MED24: variants seen among roughly 807,000 people sequenced by gnomAD.
MED24 encodes the protein mediator of RNA polymerase II transcription subunit 24.
MED24 carries 74 observed loss-of-function variants against 118.8 expected under a neutral mutation model. The ratio of observed to expected loss-of-function variants is 0.62; its 90% CI spans 0.52 to 0.76. The LOEUF (loss-of-function observed/expected upper bound fraction) is 0.76. MED24 is among the 30% of genes least tolerant of loss of function. MED24 has a pLI of 0.00. For synonymous variants in MED24, 521 were observed against 523.9 expected (o/e 0.99, Z 0.08); for missense variants, 1,041 against 1,278.9 (o/e 0.81, Z 2.84).
At chr17:40,022,272 C>T in intron 22 of MED24, 122 bp downstream of exon 22, 2 of 1,110,224 alleles carry the variant, frequency 1.8e-6, no homozygotes, top group African/African-American at 1.6e-5. Flanking sequence ...CCAATCATGC[C>T]CAGGCACAGC....
At position 40,019,797 on chromosome 17, in the gene MED24, CATGAACTG is replaced by C; in HGVS notation, c.2833_2840del (p.Gln945AlafsTer37). ...AGGTGGTACTCACGGTGGTGAAGGG[CATGAACTG>C]CAGGACGCTGCCACGGCCACCCTGC... On this transcript the variant is annotated frameshift_variant, in exon 25 of 26. Coordinates refer to ENST00000394128, the MANE Select transcript of MED24 (RefSeq NM_014815.4). LOFTEE classifies it high-confidence loss of function. 2 of 1,611,184 alleles carry C rather than the reference CATGAACTG, an allele frequency of 1.2e-6. No individual in the cohort carries two copies. The highest frequency in any genetic ancestry group is 1.7e-6 in the Non-Finnish European group (2 of 1,178,626).
Position 40,032,073 on chromosome 17 carries a change from C to T in MED24, c.954G>A (p.Val318=), listed in dbSNP as rs923279604. 2.5e-6 allele frequency: 4 copies of T among 1,613,828 alleles called. No homozygotes were observed. In the African/African-American group the frequency reaches 5.3e-5, roughly 22 times the overall value. ...CTCCATGAGAGTACTTCTTCAACTT[C>T]ACCAAAACCTGTGGAATCTAGGGGG... ...FTFLKIPQVL[V]KLKKYSHGDK... The change falls in exon 10 of 26, where the codon GTG becomes GTA. Residue 318 remains valine, a synonymous_variant. Transcript: ENST00000394128.
Position 40,032,026 on chromosome 17 carries a change from C to G in MED24, c.984+17G>C. The G allele has an allele frequency of 1.9e-6, 3 of 1,613,194 alleles. No individual in the cohort carries two copies. Among genetic ancestry groups the G allele is most frequent in the Non-Finnish European group, 2.5e-6 (3 of 1,179,424 alleles). On this transcript the variant is annotated intron_variant, in intron 10 of 25. Coordinates refer to ENST00000394128, the MANE Select transcript of MED24 (RefSeq NM_014815.4). Reference sequence around the variant, plus strand: ...CTTATTTCTGCTCCCATGCCTCCATCTCAATCCCCAACTCACCTTGTCTCC... The same window carrying G: ...CTTATTTCTGCTCCCATGCCTCCATGTCAATCCCCAACTCACCTTGTCTCC...
chr17:40,022,162 G>C, intron 22 of MED24, 108 bp from the exon 23 acceptor site: 1 of 972,280 alleles, frequency 1.0e-6, no homozygotes, highest in Non-Finnish European at 1.5e-6. Context: ...TGGCTAGCAG[G>C]GCCTCAGCCC....
At chr17:40,026,487 G>T in intron 18 of MED24, 156 bp from the exon 19 acceptor site, 1 of 1,156,532 alleles carries the variant, frequency 8.6e-7, no homozygotes, top group Non-Finnish European at 1.2e-6. Context: ...AGAGCTACCT[G>T]GGCCAGAGGG....
rs1397759397 is a variant in MED24, at chr17:40,033,009, C to T, written c.822+47G>A. The T allele has an allele frequency of 6.2e-7, 1 of 1,608,298 alleles. No individual in the cohort carries two copies. Among genetic ancestry groups the T allele is most frequent in the Non-Finnish European group, 8.5e-7 (1 of 1,177,526 alleles). ...GAAGAATCCTCCCTCCTGCCCCCAA[C>T]AGGCTGGCCTGCCTTGGAGAAGGGA... On this transcript the variant is annotated intron_variant, in intron 8 of 25. Transcript: ENST00000394128. This position sits in a 1 kb window ranked among gnomAD's most constrained non-coding sequence, Gnocchi z 5.2.
intron 1 of MED24, chr17:40,053,836 C>T: frequency 1.4e-6 from 1 of 692,460 alleles, no homozygotes; most frequent in East Asian, 2.7e-5. Context: ...AACTGGGGCA[C>T]TAAGAAAGTA....
intron 23 of MED24, chr17:40,020,678 C>G (rs146930844): frequency 1.6e-5 from 6 of 378,462 alleles, no homozygotes; most frequent in Admixed American, 1.1e-4. Flanking sequence ...CCCAGCTCCT[C>G]GGGAGGCTGA....
At chr17:40,045,816 C>T (rs1331291994) in intron 3 of MED24, among the ~76,000 whole-genome samples, 1 of 152,158 alleles carries the variant, frequency 6.6e-6, no homozygotes, top group African/African-American at 2.4e-5. Flanking sequence ...CTCGCTCTGT[C>T]AACCAGGCTG....
At position 40,035,342 on chromosome 17, in the gene MED24, C is replaced by T. The variant is rs761439284; in HGVS notation, c.334G>A (p.Gly112Ser). The change falls in exon 6 of 26, where the codon GGC (glycine) becomes AGC (serine). Residue 112 changes from glycine to serine, a missense_variant. This residue lies in a region of MED24 where 434 missense variants were observed against 514.9 expected (regional missense o/e 0.84). Coordinates refer to ENST00000394128, the MANE Select transcript of MED24 (RefSeq NM_014815.4). ...DMFCDRLSCH[G>S]KAEECIGLCR... ...AGTCCGATGCATTCCTCTGCTTTGC[C>T]GTGACAGCTACAGGGAAGGATGCAA... 1.9e-6 allele frequency: 3 copies of T among 1,585,072 alleles called. No homozygotes were observed. Among genetic ancestry groups the T allele is most frequent in the Admixed American group, 1.8e-5 (1 of 56,774 alleles).
Position 40,035,348 on chromosome 17 carries a change from A to G in MED24, c.328T>C (p.Cys110Arg). 6.3e-7 allele frequency: 1 copy of G among 1,575,200 alleles called. No homozygotes were observed. The highest frequency in any genetic ancestry group is 8.6e-7 in the Non-Finnish European group (1 of 1,157,022). The change falls in exon 6 of 26, where the codon TGT (cysteine) becomes CGT (arginine). Residue 110 changes from cysteine to arginine, a missense_variant and splice_region_variant. Around this residue, in one of 3 missense-constraint regions of MED24, gnomAD observed 434 missense variants for 514.9 expected, o/e 0.84. Coordinates refer to ENST00000394128, the MANE Select transcript of MED24 (RefSeq NM_014815.4). ...ATGCATTCCTCTGCTTTGCCGTGAC[A>G]GCTACAGGGAAGGATGCAAAATCAG... ...IMDMFCDRLS[C>R]HGKAEECIGL... is the part of the protein sequence containing the mutation.
chr17:40,021,998 CA>C lies in MED24; in HGVS notation c.2579del (p.Leu860ArgfsTer2). 1 of 1,611,828 alleles carries C rather than the reference CA, an allele frequency of 6.2e-7. No homozygotes were observed. The highest frequency in any genetic ancestry group is 8.5e-7 in the Non-Finnish European group (1 of 1,178,934). ...TGGCATCGTCCTCATTAGAGCTCAG[CA>C]GTCGCATCAACTTCGAAGGCTGCAC... ...DDVQPSKLMR[L>X]LSSNEDDANI... On this transcript the variant is annotated frameshift_variant, in exon 23 of 26. Transcript: ENST00000394128. LOFTEE classifies it high-confidence loss of function.
Position 40,036,029 on chromosome 17 carries a change from C to T in MED24, c.252+87G>A, listed in dbSNP as rs1286746989. On this transcript the variant is annotated intron_variant, in intron 4 of 25. Transcript: ENST00000394128. ...GAGGCATCATGTGCTGCCTATCCAGCCTCACGGGTCACAGCATCAGGGCCG... is the reference window on the plus strand; with the variant it reads ...GAGGCATCATGTGCTGCCTATCCAGTCTCACGGGTCACAGCATCAGGGCCG... 2.1e-6 allele frequency: 3 copies of T among 1,435,124 alleles called. No homozygotes were observed. The East Asian group carries it at 6.8e-5, about 33-fold the overall frequency. 88.9% of individuals were successfully genotyped at this position (1,435,124 alleles called of 1,614,324 possible).
rs769426925 is a variant in MED24, at chr17:40,033,179, C to T, written c.699G>A (p.Ala233=). The change falls in exon 8 of 26, where the codon GCG becomes GCA. Residue 233 remains alanine (A), a synonymous_variant. Coordinates refer to ENST00000394128, the MANE Select transcript of MED24 (RefSeq NM_014815.4). This position sits in a 1 kb window ranked among gnomAD's most constrained non-coding sequence, Gnocchi z 5.2. ...RSIPTMLSVH[A]EQMHKTGFPT... ...GGAAGCCGGTCTTGTGCATCTGCTC[C>T]GCATGCACAGACAGCATCGTGGGGA... The T allele has an allele frequency of 1.5e-5, 24 of 1,613,936 alleles. No individual in the cohort carries two copies. Among genetic ancestry groups the T allele is most frequent in the South Asian group, 8.8e-5 (8 of 91,090 alleles).
At chr17:40,023,555 G>A in intron 19 of MED24, 160 bp from the exon 20 acceptor site, 1 of 662,852 alleles carries the variant, frequency 1.5e-6, no homozygotes. Flanking sequence ...ACCCCGGGGT[G>A]ACCTGGCCCC....
rs1982238034 is a variant in MED24, at chr17:40,023,120, A to T, written c.2250+11T>A. The T allele has an allele frequency of 1.2e-6, 2 of 1,608,542 alleles. No individual in the cohort carries two copies. The highest frequency in any genetic ancestry group is 8.5e-7 in the Non-Finnish European group (1 of 1,176,214). ...ACCCATGTCGGCCCACAGCCACTCC[A>T]GCCCAAGTACCTTAATCAGGTTGTT... On this transcript the variant is annotated intron_variant, in intron 20 of 25. Coordinates refer to ENST00000394128, the MANE Select transcript of MED24 (RefSeq NM_014815.4).
At chr17:40,029,636 TA>T (rs1489308259) in intron 13 of MED24, 111 bp downstream of exon 13, 1 of 996,466 alleles carries the variant, frequency 1.0e-6, no homozygotes, top group Non-Finnish European at 1.5e-6. Context: ...CAACTATGTA[TA>T]AAAGCTAAAG....
intron 12 of MED24, 23 bp downstream of exon 12, chr17:40,031,124 GGCTCTTGGGGTA>G: frequency 6.5e-7 from 1 of 1,542,258 alleles, no homozygotes; most frequent in East Asian, 2.4e-5. Flanking sequence ...GAGGTCAAGG[GGCTCTTGGGGTA>G]GCACAGGTGC....
chr17:40,052,003 G>A (rs1171729531), intron 3 of MED24, among the ~76,000 whole-genome samples: 1 of 151,658 alleles, frequency 6.6e-6, no homozygotes, highest in East Asian at 2.0e-4. Flanking sequence ...CACATTTACG[G>A]TAGGTAGATG....
Sources: allele counts gnomAD v4.1 joint callset (sites outside exome capture counted in the v4.1 genomes callset), GRCh38; gene constraint gnomAD v4.1.1; regional missense constraint gnomAD v4.1.1; non-coding constraint Gnocchi (gnomAD v3.1); transcripts MANE v1.5; gene names NCBI Gene and HGNC (gene_info 2026-07-23, HGNC 2026-07-21).